QTMAN: variants seen among roughly 807,000 people sequenced by gnomAD.
The protein encoded by QTMAN is queuosine-tRNA mannosyltransferase.
At chr2:144,294,660 ACT>A in the QTMAN span, among the ~76,000 whole-genome samples, 1 of 151,400 alleles carries the variant, frequency 6.6e-6, no homozygotes, top group East Asian at 1.9e-4. Context: ...TGGGTGAAAA[ACT>A]CTTTGTGGAA....
chr2:144,265,921 C>T, the QTMAN span, among the ~76,000 whole-genome samples: 1 of 152,200 alleles, frequency 6.6e-6, no homozygotes, highest in African/African-American at 2.4e-5. Context: ...CTTCCATCAA[C>T]TGCTCACCTC....
At chr2:144,070,764 C>T in the QTMAN span, among the ~76,000 whole-genome samples, 4 of 152,082 alleles carry the variant, frequency 2.6e-5, no homozygotes, top group Non-Finnish European at 4.4e-5. Context: ...TAAAATTATA[C>T]GTTTCCAGTA....
the QTMAN span, among the ~76,000 whole-genome samples, chr2:144,240,085 G>C: frequency 6.6e-6 from 1 of 152,032 alleles, no homozygotes; most frequent in African/African-American, 2.4e-5. Context: ...CAGTTTAATG[G>C]GCCTAGTTAA....
At chr2:144,088,458 T>C in the QTMAN span, among the ~76,000 whole-genome samples, 1 of 151,966 alleles carries the variant, frequency 6.6e-6, no homozygotes, top group Non-Finnish European at 1.5e-5. Flanking sequence ...CTTCACAGAA[T>C]TAGAAAAAAC....
At chr2:144,194,649 C>A in the QTMAN span, among the ~76,000 whole-genome samples, 2 of 152,060 alleles carry the variant, frequency 1.3e-5, no homozygotes, top group African/African-American at 4.8e-5. Flanking sequence ...AGTGAGAGAA[C>A]AATTAACAAT....
At chr2:144,064,923 T>C in the QTMAN span, among the ~76,000 whole-genome samples, 1 of 151,788 alleles carries the variant, frequency 6.6e-6, no homozygotes, top group East Asian at 1.9e-4. Context: ...CCAGAATAGA[T>C]CAAATGTGAT....
the QTMAN span, chr2:143,938,144 G>A: frequency 1.3e-5 from 2 of 152,320 alleles, no homozygotes; most frequent in Middle Eastern, 3.4e-3. Flanking sequence ...GAAAAGCCAA[G>A]ACGATGAAAG....
At chr2:144,303,024 C>T in the QTMAN span, among the ~76,000 whole-genome samples, 39 of 152,244 alleles carry the variant, frequency 2.6e-4, no homozygotes, top group African/African-American at 8.7e-4. Context: ...ATTGCTTGAA[C>T]CCGGAAGGCG....
At chr2:144,317,891 C>A in the QTMAN span, among the ~76,000 whole-genome samples, 1 of 152,060 alleles carries the variant, frequency 6.6e-6, no homozygotes, top group Admixed American at 6.5e-5. Flanking sequence ...TATACTCACT[C>A]TTATGAGATG....
chr2:144,216,526 C>T, the QTMAN span, among the ~76,000 whole-genome samples: 4 of 152,186 alleles, frequency 2.6e-5, no homozygotes, highest in African/African-American at 9.7e-5. Context: ...GTACTTGATA[C>T]TAATGATTTC....
At chr2:144,016,523 T>G in the QTMAN span, among the ~76,000 whole-genome samples, 4 of 152,312 alleles carry the variant, frequency 2.6e-5, no homozygotes, top group East Asian at 3.9e-4. Context: ...TTTACCTTGT[T>G]CACAAGTGTT....
the QTMAN span, among the ~76,000 whole-genome samples, chr2:144,104,936 C>T: frequency 2.0e-5 from 3 of 152,200 alleles, no homozygotes; most frequent in African/African-American, 2.4e-5. Flanking sequence ...AGGCAGCAAC[C>T]TTTGCTGTTC....
chr2:144,046,559 T>A, the QTMAN span, among the ~76,000 whole-genome samples: 2,158 of 152,292 alleles, frequency 0.014, 109 homozygotes, highest in East Asian at 0.15. Flanking sequence ...CACTATTGTA[T>A]CAAAAATCTA....
chr2:144,205,602 G>C, the QTMAN span, among the ~76,000 whole-genome samples: 1 of 152,194 alleles, frequency 6.6e-6, no homozygotes, highest in Admixed American at 6.5e-5. Flanking sequence ...GGGCCGTTAA[G>C]TGGGCAATGA....
the QTMAN span, among the ~76,000 whole-genome samples, chr2:144,299,449 C>T: frequency 1.2e-4 from 19 of 152,088 alleles, no homozygotes; most frequent in Non-Finnish European, 2.6e-4. Flanking sequence ...CTCTGTTATC[C>T]GAGGAACTCT....
At chr2:144,048,361 TC>T in the QTMAN span, among the ~76,000 whole-genome samples, 1 of 152,220 alleles carries the variant, frequency 6.6e-6, no homozygotes, top group Non-Finnish European at 1.5e-5. Flanking sequence ...CTGTCCTTTT[TC>T]TTTCAGATAT....
chr2:144,001,184 C>T, the QTMAN span, among the ~76,000 whole-genome samples: 2 of 151,924 alleles, frequency 1.3e-5, no homozygotes, highest in African/African-American at 4.8e-5. Flanking sequence ...ATTTTTAAAC[C>T]TCAGAGAGTC....
At chr2:144,140,896 G>T in the QTMAN span, among the ~76,000 whole-genome samples, 1 of 151,986 alleles carries the variant, frequency 6.6e-6, no homozygotes, top group Admixed American at 6.6e-5. Context: ...GTATGGGGCA[G>T]ATTTTTCTTC....
At chr2:144,046,554 T>C in the QTMAN span, among the ~76,000 whole-genome samples, 1 of 152,224 alleles carries the variant, frequency 6.6e-6, no homozygotes. Flanking sequence ...GGATCCACTA[T>C]TGTATCAAAA....
Sources: gnomAD v4.1 joint callset for allele counts (sites outside exome capture counted in the v4.1 genomes callset) on GRCh38, gnomAD v4.1.1 for gene constraint, MANE v1.5 for transcripts, NCBI Gene and HGNC (gene_info 2026-07-23, HGNC 2026-07-21) for gene names.